SREBF1: variants seen among roughly 807,000 people sequenced by gnomAD.
SREBF1 encodes sterol regulatory element binding transcription factor 1, also known as sterol regulatory element-binding protein 1.
A neutral mutation model predicts 100.1 loss-of-function variants in SREBF1; 45 were observed. That is an observed-to-expected ratio of 0.45 (90% CI 0.35 to 0.58). The LOEUF (loss-of-function observed/expected upper bound fraction) is 0.58. Ranked by LOEUF, SREBF1 falls within the 20% of genes least tolerant of loss-of-function variation. The probability of loss-of-function intolerance (pLI) is 0.00; values close to 1 mark genes in which losing one functional copy is unlikely to be tolerated. For synonymous variants in SREBF1, 657 were observed against 681.8 expected (o/e 0.96, Z 0.57); for missense variants, 1,324 against 1,539.4 (o/e 0.86, Z 2.34).
In SREBF1 at chr17:17,816,973, G is replaced by T; in HGVS notation, c.1770C>A (p.Asp590Glu). The change falls in exon 9 of 19, where the codon GAC (aspartate) becomes GAA (glutamate). Residue 590 changes from aspartate to glutamate, a missense_variant. Coordinates refer to ENST00000261646, the MANE Select transcript of SREBF1 (RefSeq NM_004176.5). ...AGCCCCTTACCCGGGCCAGGTCCAG[G>T]TCAGCCTGCTTGCGATGCCTCCAGA... ...VYFWRHRKQADLDLARGDFAQ... is the reference protein window; with the variant it reads ...VYFWRHRKQAELDLARGDFAQ... 1 of 1,613,032 alleles carries T rather than the reference G, an allele frequency of 6.2e-7. No individual in the cohort carries two copies. The highest frequency in any genetic ancestry group is 1.1e-5 in the South Asian group (1 of 91,092).
At chr17:17,825,574 TC>T in intron 1 of SREBF1, among the ~76,000 whole-genome samples, 1 of 149,506 alleles carries the variant, frequency 6.7e-6, no homozygotes, top group Middle Eastern at 3.4e-3. Flanking sequence ...TGGCTCACTC[TC>T]CCCTGGGGCT....
chr17:17,820,118 G>A lies in SREBF1; in HGVS notation c.495C>T (p.Tyr165=). ...PQFSSTPVLG[Y]PSPPGGFSTG... ...TAGAGAAGCCTCCCGGAGGGCTGGG[G>A]TAGCCTAACACAGGGGTGGAGCTGA... The change falls in exon 2 of 19, where the codon TAC becomes TAT. Residue 165 remains tyrosine (Y), a synonymous_variant. Transcript: ENST00000261646. 6.2e-7 allele frequency: 1 copy of A among 1,612,596 alleles called. No individual in the cohort carries two copies. Among genetic ancestry groups the A allele is most frequent in the Non-Finnish European group, 8.5e-7 (1 of 1,179,710 alleles).
intron 1 of SREBF1, among the ~76,000 whole-genome samples, chr17:17,833,793 T>G (rs539567267): frequency 5.4e-4 from 82 of 151,998 alleles, no homozygotes; most frequent in Admixed American, 3.3e-4. Flanking sequence ...GAGACCAGCC[T>G]GGCCAACATG....
Position 17,814,669 on chromosome 17 carries a change from G to A in SREBF1, c.2681C>T (p.Ala894Val), listed in dbSNP as rs576886028. 123 of 1,572,864 alleles carry A rather than the reference G, an allele frequency of 7.8e-5. 2 individuals carry two copies. In the East Asian group the frequency reaches 2.2e-3, roughly 28 times the overall value. Residue 894 changes from alanine (A) to valine (V), a missense_variant, in exon 15 of 19, where the codon GCT becomes GTT. By Grantham distance (64) the Ala-to-Val change is moderately conservative. Transcript: ENST00000261646. ...IHWLRRDEEA[A>V]ERLCPLVEHL... The stretch of plus-strand genomic sequence containing the variant: ...CTCCACCAGCGGGCACAGCCGCTCA[G>A]CCGCCTCCTCATCCCGCCGCAGCCA...
intron 6 of SREBF1, 129 bp from the exon 7 acceptor site, chr17:17,818,045 G>C (rs1453526929): frequency 9.5e-7 from 1 of 1,051,952 alleles, no homozygotes; most frequent in Admixed American, 1.9e-5. Context: ...TGATGGGGCT[G>C]GGTTAGGGCC....
At chr17:17,827,175 G>T (rs1352065141) in intron 1 of SREBF1, among the ~76,000 whole-genome samples, 1 of 152,224 alleles carries the variant, frequency 6.6e-6, no homozygotes, top group Non-Finnish European at 1.5e-5. Flanking sequence ...CAGTGAGGGG[G>T]TGGAGGCCAG....
intron 1 of SREBF1, chr17:17,823,649 G>GGCGC (rs1567981987): frequency 1.3e-6 from 2 of 1,495,698 alleles, no homozygotes; most frequent in South Asian, 1.2e-5. Flanking sequence ...TGAGCGCTGC[G>GGCGC]GCGCGCCCGC....
chr17:17,811,545 G>C lies in SREBF1; in HGVS notation c.*1077C>G, dbSNP rs1283045600. 2.6e-5 allele frequency: 8 copies of C among 313,444 alleles called. No individual in the cohort carries two copies. In the East Asian group the frequency reaches 1.1e-3, roughly 42 times the overall value. The allele number at this position is 313,444 out of a possible 1,614,324, so 19.4% of individuals were successfully genotyped here. A position where few individuals can be genotyped will look rare whatever the true frequency, so the allele number is the denominator to read the frequency against. On this transcript the variant is annotated 3_prime_UTR_variant, in exon 19 of 19. Coordinates refer to ENST00000261646, the MANE Select transcript of SREBF1 (RefSeq NM_004176.5). ...GAATGAAGGGAGGGGCTGGGGGGGG[G>C]GGCATGAATGGAGTCAGGGAGTCGG...
In SREBF1 at chr17:17,811,704, C is replaced by G. The variant is rs1256693099; in HGVS notation, c.*918G>C. ...GGGGGAGGTGAGACGTGCCAGACTT[C>G]TTGCAGGGAGACCCAAGCTGTAGCT... On this transcript the variant is annotated 3_prime_UTR_variant, in exon 19 of 19. Coordinates refer to ENST00000261646, the MANE Select transcript of SREBF1 (RefSeq NM_004176.5). 1.8e-5 allele frequency: 8 copies of G among 454,836 alleles called. No individual in the cohort carries two copies. In the East Asian group the frequency reaches 5.7e-4, roughly 32 times the overall value. 28.2% of individuals were successfully genotyped at this position (454,836 alleles called of 1,614,324 possible).
chr17:17,828,156 C>T (rs1422412639), intron 1 of SREBF1, among the ~76,000 whole-genome samples: 1 of 152,244 alleles, frequency 6.6e-6, no homozygotes, highest in Non-Finnish European at 1.5e-5. Context: ...CACCCCCATC[C>T]CCTAACTGGT....
rs2032972207 is a variant in SREBF1 at position 17,812,394 on chromosome 17, G to A, written c.*228C>T. On this transcript the variant is annotated 3_prime_UTR_variant, in exon 19 of 19. Transcript: ENST00000261646. ...CCCCCAAAATGGCTCGGCCCCTGCA[G>A]TGCCCCGATCGGCCACCAGAGGTCA... is the stretch of plus-strand genomic sequence containing the variant. 1.8e-5 allele frequency: 11 copies of A among 611,332 alleles called. No individual in the cohort carries two copies. Among genetic ancestry groups the A allele is most frequent in the Non-Finnish European group, 2.8e-5 (10 of 351,628 alleles). The allele number at this position is 611,332 out of a possible 1,614,324, so 37.9% of individuals were successfully genotyped here.
intron 1 of SREBF1, among the ~76,000 whole-genome samples, chr17:17,826,552 G>A (rs1295699213): frequency 3.9e-5 from 6 of 152,158 alleles, no homozygotes; most frequent in Non-Finnish European, 8.8e-5. Flanking sequence ...CATAGACTCT[G>A]GGCCATGGTG....
intron 1 of SREBF1, among the ~76,000 whole-genome samples, chr17:17,833,856 T>C (rs2035058028): frequency 6.6e-6 from 1 of 151,948 alleles, no homozygotes; most frequent in Non-Finnish European, 1.5e-5. Flanking sequence ...TGCATGACTG[T>C]AATCCCAGCT....
intron 1 of SREBF1, among the ~76,000 whole-genome samples, chr17:17,834,817 A>G (rs1327170622): frequency 6.6e-6 from 1 of 152,180 alleles, no homozygotes; most frequent in African/African-American, 2.4e-5. Flanking sequence ...GATCGAGACC[A>G]TCCTGGCTAG....
intron 1 of SREBF1, among the ~76,000 whole-genome samples, chr17:17,836,116 AAG>A (rs1186884876): frequency 1.3e-5 from 2 of 152,218 alleles, no homozygotes; most frequent in Non-Finnish European, 2.9e-5. Context: ...TGTTCCCTAA[AAG>A]AGGGGGTACC....
chr17:17,816,414 G>A (rs760902013), intron 10 of SREBF1, 41 bp from the exon 11 acceptor site: 26 of 1,599,858 alleles, frequency 1.6e-5, no homozygotes, highest in Admixed American at 3.4e-5. Context: ...TGGAGCACAG[G>A]CAGCAGGGAG....
intron 1 of SREBF1, among the ~76,000 whole-genome samples, chr17:17,833,414 C>A (rs2034999724): frequency 2.2e-5 from 2 of 90,202 alleles, no homozygotes; most frequent in South Asian, 7.5e-4. Context: ...GAGCAAGACT[C>A]CGTCTCAAAA....
rs1282479455 is a variant in SREBF1 at position 17,812,491 on chromosome 17, AGCCGCAGGTCG to A, written c.*120_*130del. The A allele has an allele frequency of 6.3e-6, 6 of 946,108 alleles. No homozygotes were observed. The African/African-American group carries it at 1.0e-4, about 16-fold the overall frequency. The allele number at this position is 946,108 out of a possible 1,614,324, so 58.6% of individuals were successfully genotyped here. A position where few individuals can be genotyped will look rare whatever the true frequency, so the allele number is the denominator to read the frequency against. On this transcript the variant is annotated 3_prime_UTR_variant, in exon 19 of 19. Transcript: ENST00000261646. Reference sequence around the variant, plus strand: ...GCCTTCCACCGCGAAGGCACACAGCAGCCGCAGGTCGAACTGTGGAGGCCAGAGTCTCTTGC... The same window carrying A: ...GCCTTCCACCGCGAAGGCACACAGCAAACTGTGGAGGCCAGAGTCTCTTGC...
intron 1 of SREBF1, among the ~76,000 whole-genome samples, chr17:17,834,704 G>T (rs1002107848): frequency 6.6e-6 from 1 of 152,148 alleles, no homozygotes; most frequent in Non-Finnish European, 1.5e-5. Context: ...CTCTGGCCCA[G>T]ACCAGATTCT....
Sources: allele counts gnomAD v4.1 joint callset (sites outside exome capture counted in the v4.1 genomes callset), GRCh38; gene constraint gnomAD v4.1.1; transcripts MANE v1.5; gene names NCBI Gene and HGNC (gene_info 2026-07-23, HGNC 2026-07-21).